Variants in TNRC6B observed in about 807,000 individuals in gnomAD.
TNRC6B encodes the protein trinucleotide repeat containing adaptor 6B.
In TNRC6B, 52 loss-of-function variants were observed where a neutral mutation model predicts 203.6. The ratio of observed to expected loss-of-function variants is 0.26; its 90% confidence interval spans 0.20 to 0.32. The LOEUF is 0.32. Ranked by LOEUF, TNRC6B falls within the 10% of genes least tolerant of loss-of-function variation. TNRC6B has a pLI of 1.00. For missense variants in TNRC6B, 1,923 were observed against 2,286.2 expected (o/e 0.84, Z 3.24); for synonymous variants, 838 against 845.7 (o/e 0.99, Z 0.16).
intron 1 of TNRC6B, among the ~76,000 whole-genome samples, chr22:40,241,338 C>G (rs887330816): frequency 6.6e-6 from 1 of 152,180 alleles, no homozygotes; most frequent in Admixed American, 6.5e-5. Flanking sequence ...ATTAACACAC[C>G]GATTCATGAC....
At chr22:40,178,440 A>G (rs910087616) in intron 1 of TNRC6B, among the ~76,000 whole-genome samples, 43 of 152,174 alleles carry the variant, frequency 2.8e-4, no homozygotes, top group Non-Finnish European at 7.3e-5. Flanking sequence ...GAAATTTGCT[A>G]TTTAGAAAGA....
upstream of TNRC6B, among the ~76,000 whole-genome samples, chr22:40,177,448 C>T (rs1179011396): frequency 3.9e-5 from 6 of 152,160 alleles, no homozygotes; most frequent in Non-Finnish European, 7.4e-5. Flanking sequence ...TTGTGCGTTT[C>T]TTTCAGTCTT....
intron 21 of TNRC6B, among the ~76,000 whole-genome samples, chr22:40,316,726 C>A (rs1179976627): frequency 2.0e-5 from 3 of 152,144 alleles, no homozygotes; most frequent in African/African-American, 7.2e-5. Context: ...AGTGGGTGTC[C>A]CCTCCCCACC....
intron 1 of TNRC6B, among the ~76,000 whole-genome samples, chr22:40,053,128 A>G (rs1014904334): frequency 1.3e-5 from 2 of 151,594 alleles, no homozygotes; most frequent in Non-Finnish European, 2.9e-5. Context: ...GGTATTTAAC[A>G]TATACCACTC....
At chr22:40,260,898 A>T (rs1241366805) in intron 3 of TNRC6B, among the ~76,000 whole-genome samples, 1 of 152,152 alleles carries the variant, frequency 6.6e-6, no homozygotes, top group African/African-American at 2.4e-5. Flanking sequence ...GATTGTGGAG[A>T]ATTTGGAAAA....
chr22:40,089,398 A>G (rs2068130073), intron 1 of TNRC6B, among the ~76,000 whole-genome samples: 2 of 151,860 alleles, frequency 1.3e-5, no homozygotes, highest in Non-Finnish European at 2.9e-5. Context: ...ACACCCAGCT[A>G]ATTTTTTTAT....
At chr22:40,160,313 C>A (rs1317801421) in intron 4 of TNRC6B, among the ~76,000 whole-genome samples, 1 of 151,946 alleles carries the variant, frequency 6.6e-6, no homozygotes, top group Non-Finnish European at 1.5e-5. Flanking sequence ...CCCGTCTCTA[C>A]TAAAAATACA....
At chr22:40,277,229 C>T in intron 8 of TNRC6B, 78 bp downstream of exon 8, 9 of 1,002,960 alleles carry the variant, frequency 9.0e-6, no homozygotes, top group Non-Finnish European at 5.8e-6. Context: ...AAGACAACTG[C>T]CACATATAGT....
intron 2 of TNRC6B, among the ~76,000 whole-genome samples, chr22:40,123,532 C>T (rs1011566634): frequency 6.6e-6 from 1 of 152,212 alleles, no homozygotes; most frequent in Non-Finnish European, 1.5e-5. Context: ...CTCCCACTGG[C>T]TTAGCCCAGC....
At chr22:40,238,577 T>C (rs1257767341) in intron 1 of TNRC6B, among the ~76,000 whole-genome samples, 2 of 152,138 alleles carry the variant, frequency 1.3e-5, no homozygotes, top group African/African-American at 2.4e-5. Context: ...ATCTCACTGA[T>C]TGACATTTGC....
intron 1 of TNRC6B, among the ~76,000 whole-genome samples, chr22:40,188,423 T>A (rs1487889540): frequency 6.6e-6 from 1 of 152,220 alleles, no homozygotes; most frequent in Admixed American, 6.5e-5. Flanking sequence ...TATGACTTCT[T>A]ACATTTTTGT....
chr22:40,226,684 T>G (rs574184361), intron 1 of TNRC6B, among the ~76,000 whole-genome samples: 1 of 152,352 alleles, frequency 6.6e-6, no homozygotes, highest in South Asian at 2.1e-4. Flanking sequence ...AAATGTATCA[T>G]TGTTTGAATT....
In TNRC6B at chr22:40,062,807, T is replaced by C. The variant is rs368247382; in HGVS notation, c.-121+17809T>C. On this transcript the variant is annotated intron_variant, in intron 1 of 23. Transcript: ENST00000301923. Reference sequence around the variant, plus strand: ...TCCTTTGCCCATTTTTAAATTGGGTTACTTGTCTTATTGTTCAATTATAAT... The same window carrying C: ...TCCTTTGCCCATTTTTAAATTGGGTCACTTGTCTTATTGTTCAATTATAAT... Among the ~76,000 whole-genome samples the C allele has an allele frequency of 3.8e-4, 58 of 152,372 alleles. 2 individuals are homozygous for C. The East Asian group carries it at 0.01, about 26-fold the overall frequency.
intron 1 of TNRC6B, among the ~76,000 whole-genome samples, chr22:40,069,970 T>A (rs985393006): frequency 1.3e-5 from 2 of 152,158 alleles, no homozygotes; most frequent in Non-Finnish European, 2.9e-5. Flanking sequence ...AAAGAAAAAA[T>A]TTTAACTAAT....
At chr22:40,074,207 C>T (rs986372423) in intron 1 of TNRC6B, among the ~76,000 whole-genome samples, 68 of 137,070 alleles carry the variant, frequency 5.0e-4, no homozygotes, top group Admixed American at 6.9e-4. Context: ...TCTCCAGCCT[C>T]GGTGACAGAG....
At chr22:40,147,947 G>A (rs577411134) in intron 3 of TNRC6B, among the ~76,000 whole-genome samples, 1 of 152,314 alleles carries the variant, frequency 6.6e-6, no homozygotes, top group South Asian at 2.1e-4. Context: ...AAAGTTCTAA[G>A]ATTGGATTGT....
At position 40,324,952 on chromosome 22, in the gene TNRC6B, C is replaced by T. The variant is rs1261287651; in HGVS notation, c.*1711C>T. 2 of 151,630 alleles carry T rather than the reference C, an allele frequency of 1.3e-5. No homozygotes were observed. Among genetic ancestry groups the T allele is most frequent in the African/African-American group, 4.9e-5 (2 of 41,050 alleles). The allele number at this position is 151,630 out of a possible 1,614,324, so 9.4% of individuals were successfully genotyped here. A position where few individuals can be genotyped will look rare whatever the true frequency, so the allele number is the denominator to read the frequency against. ...TACAGTTATCACCAACATGTATGTA[C>T]TTATGTCGGAATCAAAATGTATCAA... On this transcript the variant is annotated 3_prime_UTR_variant, in exon 23 of 23. Coordinates refer to ENST00000454349, the MANE Select transcript of TNRC6B (RefSeq NM_001162501.2).
At chr22:40,216,428 C>T (rs1164566262) in intron 1 of TNRC6B, among the ~76,000 whole-genome samples, 1 of 152,040 alleles carries the variant, frequency 6.6e-6, no homozygotes, top group Non-Finnish European at 1.5e-5. Context: ...GCTGCTGTGC[C>T]CCAGAGCTTG....
intron 1 of TNRC6B, among the ~76,000 whole-genome samples, chr22:40,110,303 G>A (rs1174975756): frequency 6.6e-6 from 1 of 152,132 alleles, no homozygotes; most frequent in Non-Finnish European, 1.5e-5. Context: ...ATTCTTATGT[G>A]ACCAACAATT....
Sources: gnomAD v4.1 joint callset for allele counts (sites outside exome capture counted in the v4.1 genomes callset) on GRCh38, gnomAD v4.1.1 for gene constraint, MANE v1.5 for transcripts, NCBI Gene and HGNC (gene_info 2026-07-23, HGNC 2026-07-21) for gene names.